Variants in ARHGAP24 observed in about 807,000 individuals in gnomAD.
ARHGAP24 encodes the protein rho GTPase-activating protein 24.
A neutral mutation model predicts 76.4 loss-of-function variants in ARHGAP24; 50 were observed. The ratio of observed to expected loss-of-function variants is 0.65; its 90% CI spans 0.52 to 0.83. The LOEUF (loss-of-function observed/expected upper bound fraction) is 0.83. Ranked by LOEUF, ARHGAP24 falls within the 40% of genes least tolerant of loss-of-function variation. ARHGAP24 has a pLI of 0.00. For synonymous variants in ARHGAP24, 345 were observed against 323.3 expected (o/e 1.07, Z -0.72); for missense variants, 930 against 914.2 (o/e 1.02, Z -0.22).
intron 3 of ARHGAP24, among the ~76,000 whole-genome samples, chr4:85,725,580 C>T (rs538161164): frequency 3.8e-4 from 58 of 152,316 alleles, no homozygotes; most frequent in African/African-American, 1.3e-3. Flanking sequence ...GGGGCATAGC[C>T]CCTTCACACT....
At chr4:85,570,806 C>A in intron 2 of ARHGAP24, 85 bp downstream of exon 2, 2 of 1,425,950 alleles carry the variant, frequency 1.4e-6, no homozygotes, top group Non-Finnish European at 2.0e-6. Flanking sequence ...GGGACTGAGA[C>A]CACCCAAAGC....
At chr4:85,869,472 C>T (rs951614638) in intron 3 of ARHGAP24, among the ~76,000 whole-genome samples, 2 of 152,102 alleles carry the variant, frequency 1.3e-5, no homozygotes, top group Admixed American at 1.3e-4. Flanking sequence ...CAGCATTTGA[C>T]TGGTGTCTTC....
chr4:85,564,585 G>C (rs964163343), intron 1 of ARHGAP24, among the ~76,000 whole-genome samples: 1 of 151,562 alleles, frequency 6.6e-6, no homozygotes, highest in Non-Finnish European at 1.5e-5. Context: ...TTCTAGAGCA[G>C]TGGTCCGCAA....
At chr4:85,973,835 T>TG (rs1560757250) in intron 6 of ARHGAP24, among the ~76,000 whole-genome samples, 5 of 44,340 alleles carry the variant, frequency 1.1e-4, no homozygotes, top group African/African-American at 3.8e-4. Flanking sequence ...TGCCTATTGT[T>TG]TTTTTTTTTT....
chr4:85,609,168 A>G (rs1720302514), intron 2 of ARHGAP24, among the ~76,000 whole-genome samples: 1 of 152,232 alleles, frequency 6.6e-6, no homozygotes, highest in South Asian at 2.1e-4. Flanking sequence ...TATGCTCTGA[A>G]ATGGGACCCC....
At chr4:85,881,062 A>G (rs1733224336) in intron 3 of ARHGAP24, among the ~76,000 whole-genome samples, 1 of 152,174 alleles carries the variant, frequency 6.6e-6, no homozygotes, top group Non-Finnish European at 1.5e-5. Context: ...GTTTGGGGCC[A>G]TTATTAAGTA....
intron 3 of ARHGAP24, among the ~76,000 whole-genome samples, chr4:85,914,824 G>T (rs1418631653): frequency 2.6e-5 from 4 of 152,140 alleles, no homozygotes; most frequent in African/African-American, 4.8e-5. Context: ...ACCTGTTGTG[G>T]ATTATTGCAC....
At chr4:85,942,557 A>G (rs1326400611) in intron 5 of ARHGAP24, 4 of 329,252 alleles carry the variant, frequency 1.2e-5, no homozygotes, top group Non-Finnish European at 2.2e-5. Context: ...GAAAAAGTGA[A>G]TTTATAAAAT....
intron 5 of ARHGAP24, among the ~76,000 whole-genome samples, chr4:85,943,992 G>A (rs1247196979): frequency 2.0e-5 from 3 of 152,042 alleles, no homozygotes; most frequent in Non-Finnish European, 4.4e-5. Flanking sequence ...GGATTGCTGG[G>A]TCAAATAGTA....
At chr4:85,626,549 G>C (rs1011608891) in intron 2 of ARHGAP24, among the ~76,000 whole-genome samples, 1 of 152,072 alleles carries the variant, frequency 6.6e-6, no homozygotes, top group Admixed American at 6.5e-5. Context: ...TGACAATTAT[G>C]TGTCTTGGAG....
chr4:85,738,402 T>C lies in ARHGAP24; in HGVS notation c.268+16430T>C, dbSNP rs865872383. Among the ~76,000 whole-genome samples, 53 of 139,736 alleles carry C rather than the reference T, an allele frequency of 3.8e-4. 1 individual carries two copies. Among genetic ancestry groups the C allele is most frequent in the Admixed American group, 9.8e-4 (14 of 14,224 alleles). 91.7% of individuals were successfully genotyped at this position (139,736 alleles called of 152,430 possible). A position where few individuals can be genotyped will look rare whatever the true frequency, so the allele number is the denominator to read the frequency against. On this transcript the variant is annotated intron_variant, in intron 3 of 9. Coordinates refer to ENST00000395184, the MANE Select transcript of ARHGAP24 (RefSeq NM_001025616.3). ...TTATTATTATTATTATTATTATTAT[T>C]ATCATTATTATTATTATTATTGTCA... is the stretch of plus-strand genomic sequence containing the variant.
intron 2 of ARHGAP24, among the ~76,000 whole-genome samples, chr4:85,596,093 C>G (rs970541972): frequency 1.3e-5 from 2 of 151,578 alleles, no homozygotes; most frequent in South Asian, 4.2e-4. Context: ...TCTTACCTAT[C>G]TAGTATTGTT....
chr4:85,871,855 A>G (rs909919578), intron 3 of ARHGAP24, among the ~76,000 whole-genome samples: 12 of 152,142 alleles, frequency 7.9e-5, no homozygotes, highest in African/African-American at 2.7e-4. Context: ...TATATTATCT[A>G]TGGGTTATAT....
intron 5 of ARHGAP24, among the ~76,000 whole-genome samples, chr4:85,955,237 C>T (rs143872628): frequency 3.6e-4 from 54 of 151,484 alleles, no homozygotes; most frequent in African/African-American, 1.3e-3. Flanking sequence ...CTACCCCCCA[C>T]CCCGACCCTC....
chr4:85,907,308 T>C (rs1195571532), intron 3 of ARHGAP24, among the ~76,000 whole-genome samples: 1 of 152,224 alleles, frequency 6.6e-6, no homozygotes, highest in Non-Finnish European at 1.5e-5. Context: ...TGTAGTCCAT[T>C]TAATTTAAAA....
At chr4:85,797,049 A>G (rs1728373606) in intron 3 of ARHGAP24, among the ~76,000 whole-genome samples, 1 of 152,214 alleles carries the variant, frequency 6.6e-6, no homozygotes, top group Non-Finnish European at 1.5e-5. Context: ...GAGCCAGCAT[A>G]CAGGCTCTAG....
chr4:85,674,106 C>T (rs1272478935), intron 2 of ARHGAP24, among the ~76,000 whole-genome samples: 2 of 152,104 alleles, frequency 1.3e-5, no homozygotes, highest in African/African-American at 4.8e-5. Context: ...CGCAGTGGTT[C>T]TCAATCTTTA....
At chr4:85,504,791 A>G (rs1723969147) in intron 1 of ARHGAP24, among the ~76,000 whole-genome samples, 1 of 152,140 alleles carries the variant, frequency 6.6e-6, no homozygotes, top group Admixed American at 6.6e-5. Context: ...TTGCCTGTTA[A>G]TTGATGCAGT....
At chr4:85,622,355 T>C (rs7691690) in intron 2 of ARHGAP24, among the ~76,000 whole-genome samples, 298 of 150,942 alleles carry the variant, frequency 2.0e-3, no homozygotes, top group African/African-American at 6.9e-3. Flanking sequence ...TGTTTGGTTT[T>C]TTGTCCTTGC....
Sources: gnomAD v4.1 joint callset for allele counts (sites outside exome capture counted in the v4.1 genomes callset) on GRCh38, gnomAD v4.1.1 for gene constraint, MANE v1.5 for transcripts, NCBI Gene and HGNC (gene_info 2026-07-23, HGNC 2026-07-21) for gene names.